Variants in RIMS4 observed in about 807,000 individuals in gnomAD.
RIMS4 encodes regulating synaptic membrane exocytosis protein 4.
RIMS4 carries 9 observed loss-of-function variants against 29.0 expected under a neutral mutation model. That is an observed-to-expected ratio of 0.31 (90% CI 0.19 to 0.54). The LOEUF is 0.54. RIMS4 is among the 20% of genes least tolerant of loss of function. The pLI is 0.94. For missense variants in RIMS4, 193 were observed against 365.7 expected, an observed-to-expected ratio of 0.53 and a Z score of 3.85; for synonymous variants, 130 against 152.9, an observed-to-expected ratio of 0.85 and a Z score of 1.10.
chr20:44,810,142 C>T, intron 1 of RIMS4, 33 bp downstream of exon 1: 1 of 1,454,252 alleles, frequency 6.9e-7, no homozygotes. Flanking sequence ...CCCGGGACAC[C>T]CCGGGGGTCT....
At chr20:44,780,616 T>C (rs1250625524) in intron 1 of RIMS4, among the ~76,000 whole-genome samples, 2 of 152,138 alleles carry the variant, frequency 1.3e-5, no homozygotes, top group Non-Finnish European at 2.9e-5. Context: ...CAACCACCAG[T>C]GAAGGTAAGT....
intron 1 of RIMS4, among the ~76,000 whole-genome samples, chr20:44,782,942 G>C (rs1227711896): frequency 2.0e-5 from 3 of 152,212 alleles, no homozygotes; most frequent in Non-Finnish European, 2.9e-5. Context: ...CTGTGAAATA[G>C]ATCTCTCATA....
At position 44,755,406 on chromosome 20, in the gene RIMS4, T is replaced by G. The variant is rs935310877; in HGVS notation, c.*728A>C. On this transcript the variant is annotated 3_prime_UTR_variant, in exon 6 of 6. Transcript: ENST00000372851. ...TTCTTTCTAGTCCGCCAGCGGTTCC[T>G]AAACTAGCTTGTTGCAATCCCATGG... The G allele has an allele frequency of 3.5e-4, 53 of 152,786 alleles. No individual in the cohort carries two copies. Among genetic ancestry groups the G allele is most frequent in the African/African-American group, 1.2e-3 (50 of 41,560 alleles). 9.5% of individuals were successfully genotyped at this position (152,786 alleles called of 1,614,324 possible).
At chr20:44,780,316 G>A (rs1007993133) in intron 1 of RIMS4, among the ~76,000 whole-genome samples, 4 of 152,196 alleles carry the variant, frequency 2.6e-5, no homozygotes, top group African/African-American at 9.7e-5. Context: ...ATGCGATTAA[G>A]TCCACAGCAA....
At chr20:44,776,889 T>C (rs1275377567) in intron 1 of RIMS4, among the ~76,000 whole-genome samples, 3 of 152,198 alleles carry the variant, frequency 2.0e-5, no homozygotes, top group African/African-American at 7.2e-5. Context: ...GTTAAGTAAC[T>C]TTCCCAAGGA....
intron 1 of RIMS4, among the ~76,000 whole-genome samples, chr20:44,781,522 A>T (rs1436707028): frequency 1.3e-5 from 2 of 152,202 alleles, no homozygotes; most frequent in East Asian, 3.8e-4. Context: ...CTGACAAATA[A>T]AAACATGGAG....
intron 2 of RIMS4, among the ~76,000 whole-genome samples, chr20:44,764,165 T>TCCATCCAC: frequency 1.1e-5 from 1 of 90,526 alleles, no homozygotes; most frequent in East Asian, 3.3e-4. Flanking sequence ...CATCCATCCA[T>TCCATCCAC]CCATCCATCC....
chr20:44,789,965 G>A (rs1478314386), intron 1 of RIMS4, among the ~76,000 whole-genome samples: 1 of 152,230 alleles, frequency 6.6e-6, no homozygotes, highest in African/African-American at 2.4e-5. Context: ...CCTGTTGCTA[G>A]AGGCACCCAA....
intron 1 of RIMS4, among the ~76,000 whole-genome samples, chr20:44,792,858 C>A (rs1021794565): frequency 6.6e-6 from 1 of 152,072 alleles, no homozygotes; most frequent in Non-Finnish European, 1.5e-5. Flanking sequence ...AGATCTGGTT[C>A]GGGTCTGTGG....
rs776855379 is a variant in RIMS4 at position 44,756,366 on chromosome 20, G to A, written c.592-14C>T. ...CCACACGATCACCTGTGGGGCAAGA[G>A]ACACAGTGGTTCAAATCCTGCCAGT... On this transcript the variant is annotated splice_polypyrimidine_tract_variant and intron_variant, in intron 5 of 5. Transcript: ENST00000372851. This position sits in a 1 kb window ranked among gnomAD's most constrained non-coding sequence, Gnocchi z 5.9. The A allele has an allele frequency of 4.3e-5, 69 of 1,609,060 alleles. No homozygotes were observed. The highest frequency in any genetic ancestry group is 5.7e-5 in the Non-Finnish European group (67 of 1,177,096).
intron 2 of RIMS4, among the ~76,000 whole-genome samples, chr20:44,764,255 C>CATCCATCCATCCATCTATCCA (rs1325046131): frequency 1.4e-5 from 2 of 144,322 alleles, no homozygotes; most frequent in African/African-American, 2.6e-5. Flanking sequence ...TCCATCCATC[C>CATCCATCCATCCATCTATCCA]TCCCACAAAC....
chr20:44,808,522 C>A (rs1328061837), intron 1 of RIMS4, among the ~76,000 whole-genome samples: 2 of 152,226 alleles, frequency 1.3e-5, no homozygotes, highest in African/African-American at 4.8e-5. Context: ...TACTTCTTCC[C>A]ACCTTGCCTT....
intron 1 of RIMS4, among the ~76,000 whole-genome samples, chr20:44,796,393 G>C (rs2066255296): frequency 6.6e-6 from 1 of 152,164 alleles, no homozygotes; most frequent in Non-Finnish European, 1.5e-5. Flanking sequence ...AGCAACTACT[G>C]GAGAAGAAAG....
intron 1 of RIMS4, among the ~76,000 whole-genome samples, chr20:44,787,592 T>C (rs80091296): frequency 8.0e-4 from 122 of 151,994 alleles, no homozygotes; most frequent in African/African-American, 2.9e-3. Flanking sequence ...ACATGCACCA[T>C]GAACACCAGT....
chr20:44,800,863 A>G (rs2066274797), intron 1 of RIMS4, among the ~76,000 whole-genome samples: 1 of 152,360 alleles, frequency 6.6e-6, no homozygotes, highest in Admixed American at 6.5e-5. Context: ...CTGTGCACAC[A>G]GTAAACACCA....
intron 1 of RIMS4, among the ~76,000 whole-genome samples, chr20:44,780,086 G>A (rs757223571): frequency 3.0e-4 from 46 of 152,128 alleles, no homozygotes; most frequent in Non-Finnish European, 5.1e-4. Flanking sequence ...AATAAATACT[G>A]GCTATTACTA....
chr20:44,777,062 G>A lies in RIMS4; in HGVS notation c.98-5649C>T, dbSNP rs180671969. On this transcript the variant is annotated intron_variant, in intron 1 of 5. Coordinates refer to ENST00000372851, the MANE Select transcript of RIMS4 (RefSeq NM_182970.4). The stretch of plus-strand genomic sequence containing the variant: ...TCCCTCATCAGACTCCTTGAGTCCC[G>A]GGGCACTTCAATCTTCACTTCTCTT... Among the ~76,000 whole-genome samples the A allele has an allele frequency of 1.4e-4, 22 of 152,206 alleles. No individual in the cohort carries two copies. The East Asian group carries it at 2.1e-3, about 15-fold the overall frequency.
chr20:44,756,968 C>T lies in RIMS4; in HGVS notation c.521G>A (p.Arg174His), dbSNP rs1428179937. Residue 174 changes from arginine (R) to histidine (H), a missense_variant, in exon 5 of 6, where the codon CGC (arginine) becomes CAC (histidine). Physicochemically the swap from Arg to His is conservative, Grantham distance 29. Transcript: ENST00000372851. The surrounding 1 kb of genome is among the most constrained non-coding windows in gnomAD (Gnocchi z 5.9). ...GTTATACAGTGGGTCCAGCGACTTG[C>T]GAGCGACTTTGGTCTTCTTCTTGGC... ...CIAKKKTKVA[R>H]KSLDPLYNQV... 13 of 1,614,078 alleles carry T rather than the reference C, an allele frequency of 8.1e-6. No individual in the cohort carries two copies. Among genetic ancestry groups the T allele is most frequent in the Middle Eastern group, 1.6e-4 (1 of 6,062 alleles).
intron 1 of RIMS4, among the ~76,000 whole-genome samples, chr20:44,771,931 C>G (rs550445597): frequency 6.6e-6 from 1 of 152,136 alleles, no homozygotes; most frequent in East Asian, 1.9e-4. Context: ...CCAGTTGCAG[C>G]AATAAAAAAT....
Sources: allele counts gnomAD v4.1 joint callset (sites outside exome capture counted in the v4.1 genomes callset), GRCh38; gene constraint gnomAD v4.1.1; non-coding constraint Gnocchi (gnomAD v3.1); transcripts MANE v1.5; gene names NCBI Gene and HGNC (gene_info 2026-07-23, HGNC 2026-07-21).